Variants in DNAH6 observed in about 807,000 individuals in gnomAD.
DNAH6 encodes the protein axonemal beta dynein heavy chain 6.
DNAH6 carries 340 observed loss-of-function variants against 491.4 expected under a neutral mutation model. That is an observed-to-expected ratio of 0.69 (90% CI 0.63 to 0.76). The LOEUF (loss-of-function observed/expected upper bound fraction) is 0.76. Among genes scored for constraint, DNAH6 ranks in the 30% least tolerant of loss-of-function variants. DNAH6 has a pLI of 0.00. For synonymous variants in DNAH6, 1,603 were observed against 1,686.1 expected (o/e 0.95, Z 1.21); for missense variants, 4,443 against 4,972.2 (o/e 0.89, Z 3.20).
chr2:84,665,662 A>G (rs1466734165), intron 37 of DNAH6, among the ~76,000 whole-genome samples: 2 of 152,206 alleles, frequency 1.3e-5, no homozygotes. Flanking sequence ...GCTGAATTCT[A>G]CCAGAGCTAC....
At chr2:84,805,574 T>C in intron 70 of DNAH6, 91 bp from the exon 71 acceptor site, 1 of 1,168,406 alleles carries the variant, frequency 8.6e-7, no homozygotes, top group Non-Finnish European at 1.2e-6. Context: ...TTTAGAGAAC[T>C]GCCTTTACTT....
intron 21 of DNAH6, among the ~76,000 whole-genome samples, chr2:84,607,777 C>T (rs1685916578): frequency 6.6e-6 from 1 of 152,084 alleles, no homozygotes; most frequent in Non-Finnish European, 1.5e-5. Context: ...GAAGATCTTG[C>T]CTCAGTGTTG....
intron 40 of DNAH6, among the ~76,000 whole-genome samples, chr2:84,676,558 C>T (rs1171859247): frequency 1.3e-5 from 2 of 152,126 alleles, no homozygotes; most frequent in African/African-American, 2.4e-5. Flanking sequence ...ATAGATTGGT[C>T]GGTTGACAAA....
intron 18 of DNAH6, among the ~76,000 whole-genome samples, chr2:84,603,228 A>G (rs1386992237): frequency 1.3e-5 from 2 of 151,970 alleles, no homozygotes; most frequent in African/African-American, 4.8e-5. Context: ...GTGCTTGGAA[A>G]TGAGCATGCC....
intron 16 of DNAH6, among the ~76,000 whole-genome samples, chr2:84,593,306 A>G (rs2104152814): frequency 6.6e-6 from 1 of 152,294 alleles, no homozygotes; most frequent in East Asian, 1.9e-4. Context: ...GCAGGAAATC[A>G]TTTGCAACTC....
At position 84,781,547 on chromosome 2, in the gene DNAH6, C is replaced by G. The variant is rs1427351704; in HGVS notation, c.10758C>G (p.Val3586=). 1.9e-6 allele frequency: 3 copies of G among 1,551,548 alleles called. No individual in the cohort carries two copies. Among genetic ancestry groups the G allele is most frequent in the Non-Finnish European group, 2.6e-6 (3 of 1,146,900 alleles). The change falls in exon 65 of 77, where the codon GTC becomes GTG. Residue 3586 remains valine, a synonymous_variant. Coordinates refer to ENST00000389394, the MANE Select transcript of DNAH6 (RefSeq NM_001370.2). ...AAGGACCTATTGCTGAAAAAATGGTCAAGGATGCAATGAAATCAGGAAACT... is the reference window on the plus strand; with the variant it reads ...AAGGACCTATTGCTGAAAAAATGGTGAAGGATGCAATGAAATCAGGAAACT... ...QGQGPIAEKM[V]KDAMKSGNWV... is the part of the protein sequence containing the mutation.
chr2:84,727,160 A>C (rs557961028), intron 60 of DNAH6, among the ~76,000 whole-genome samples: 11 of 152,242 alleles, frequency 7.2e-5, no homozygotes, highest in Admixed American at 7.2e-4. Context: ...GATGTGAAAA[A>C]ACTGGTCCTG....
At chr2:84,643,376 T>C (rs990274838) in intron 33 of DNAH6, among the ~76,000 whole-genome samples, 1 of 152,106 alleles carries the variant, frequency 6.6e-6, no homozygotes, top group African/African-American at 2.4e-5. Flanking sequence ...TCCTGCTTAG[T>C]GTTTTCTGAG....
intron 64 of DNAH6, among the ~76,000 whole-genome samples, chr2:84,780,302 C>T (rs1025626146): frequency 7.9e-5 from 12 of 152,058 alleles, no homozygotes; most frequent in African/African-American, 2.9e-4. Flanking sequence ...TTTGCATAAT[C>T]TCATATTTCT....
chr2:84,612,037 G>A (rs911245758), intron 22 of DNAH6, among the ~76,000 whole-genome samples, 183 bp downstream of exon 22: 2 of 152,006 alleles, frequency 1.3e-5, no homozygotes, highest in African/African-American at 4.8e-5. Context: ...CAATGTCAAC[G>A]GAACACTGGA....
chr2:84,588,715 AAAAAG>A (rs1476519178), intron 15 of DNAH6, 106 bp from the exon 16 acceptor site: 3 of 1,074,052 alleles, frequency 2.8e-6, no homozygotes, highest in South Asian at 2.1e-5. Context: ...TCTAAAAATC[AAAAAG>A]AAAAGAGAAA....
chr2:84,811,875 A>AG (rs1437448398), intron 72 of DNAH6, among the ~76,000 whole-genome samples: 1 of 150,958 alleles, frequency 6.6e-6, no homozygotes, highest in Non-Finnish European at 1.5e-5. Flanking sequence ...AAAAAAAAAA[A>AG]AGGAATCTCC....
chr2:84,808,141 G>A (rs992910354), intron 71 of DNAH6, among the ~76,000 whole-genome samples: 247 of 146,464 alleles, frequency 1.7e-3, no homozygotes, highest in South Asian at 1.5e-3. Context: ...ATGTGTGTGT[G>A]TGTGTGTGTG....
chr2:84,668,810 C>CTGTGTGTGTGTGTGTGTGTGTGTG (rs766203821), intron 37 of DNAH6, among the ~76,000 whole-genome samples: 2 of 120,976 alleles, frequency 1.7e-5, no homozygotes, highest in Non-Finnish European at 3.4e-5. Context: ...AGCCATCCCT[C>CTGTGTGTGTGTGTGTGTGTGTGTG]TGTGTGTGTG....
intron 11 of DNAH6, among the ~76,000 whole-genome samples, chr2:84,570,308 G>A (rs1681651147): frequency 6.6e-6 from 1 of 152,124 alleles, no homozygotes; most frequent in Non-Finnish European, 1.5e-5. Context: ...TCTAGCTAGA[G>A]GATTGTAAAT....
the DNAH6 span, among the ~76,000 whole-genome samples, chr2:84,478,935 G>A: frequency 1.4e-4 from 22 of 151,952 alleles, no homozygotes; most frequent in African/African-American, 5.1e-4. Flanking sequence ...GGAGCAGGAA[G>A]GTAACCTTCC....
intron 67 of DNAH6, among the ~76,000 whole-genome samples, chr2:84,786,424 CAAAAA>C (rs34307388): frequency 1.1e-5 from 1 of 88,792 alleles, no homozygotes; most frequent in African/African-American, 3.6e-5. Context: ...GACTCTGTCT[CAAAAA>C]AAAAAAAAAA....
At chr2:84,785,033 G>A (rs945726487) in intron 66 of DNAH6, among the ~76,000 whole-genome samples, 1 of 152,098 alleles carries the variant, frequency 6.6e-6, no homozygotes, top group Non-Finnish European at 1.5e-5. Flanking sequence ...TCTCCCAGCC[G>A]TCACCCTCAC....
chr2:84,594,490 A>AT (rs1684397626), intron 17 of DNAH6, among the ~76,000 whole-genome samples: 1 of 152,192 alleles, frequency 6.6e-6, no homozygotes, highest in African/African-American at 2.4e-5. Context: ...CTGTAATAGG[A>AT]TAGAGTGATA....
Sources: gnomAD v4.1 joint callset for allele counts (sites outside exome capture counted in the v4.1 genomes callset) on GRCh38, gnomAD v4.1.1 for gene constraint, MANE v1.5 for transcripts, NCBI Gene and HGNC (gene_info 2026-07-23, HGNC 2026-07-21) for gene names.